NCKAP5: variants seen among roughly 807,000 people sequenced by gnomAD.
The protein encoded by NCKAP5 is NCK associated protein 5, also known as nck-associated protein 5.
In NCKAP5, 92 loss-of-function variants were observed where a neutral mutation model predicts 167.0. The observed-to-expected ratio is 0.55, with a 90% CI of 0.47 to 0.66. NCKAP5 has a LOEUF of 0.66. Ranked by LOEUF, NCKAP5 falls within the 30% of genes least tolerant of loss-of-function variation. NCKAP5 has a pLI of 0.00. For synonymous variants in NCKAP5, 891 were observed against 877.4 expected, an observed-to-expected ratio of 1.02 and a Z score of -0.27; for missense variants, 2,378 against 2,315.0, an observed-to-expected ratio of 1.03 and a Z score of -0.56.
the NCKAP5 span, among the ~76,000 whole-genome samples, chr2:133,606,147 A>T: frequency 6.6e-6 from 1 of 151,472 alleles, no homozygotes; most frequent in Non-Finnish European, 1.5e-5. Flanking sequence ...TTCAAAAAAA[A>T]TTGAAGGCAG....
chr2:133,197,294 T>C (rs1046820419), intron 5 of NCKAP5, among the ~76,000 whole-genome samples: 5 of 152,086 alleles, frequency 3.3e-5, no homozygotes, highest in African/African-American at 9.7e-5. Flanking sequence ...CCTCAGGTAG[T>C]ACACACATGG....
intron 16 of NCKAP5, among the ~76,000 whole-genome samples, chr2:132,733,335 G>A (rs191066044): frequency 6.6e-6 from 1 of 152,252 alleles, no homozygotes; most frequent in Admixed American, 6.5e-5. Flanking sequence ...GCATGGTGGG[G>A]AATGTAATAG....
intron 3 of NCKAP5, among the ~76,000 whole-genome samples, chr2:133,426,859 G>C (rs1290733886): frequency 6.6e-6 from 1 of 152,102 alleles, no homozygotes; most frequent in African/African-American, 2.4e-5. Flanking sequence ...TAAATCTCAA[G>C]CTGTTCTAAA....
chr2:133,574,274 C>T, the NCKAP5 span, among the ~76,000 whole-genome samples: 1 of 152,160 alleles, frequency 6.6e-6, no homozygotes, highest in African/African-American at 2.4e-5. Context: ...TAGCCCCTGA[C>T]CCCACCAGAT....
the NCKAP5 span, among the ~76,000 whole-genome samples, chr2:133,656,151 G>C: frequency 6.6e-6 from 1 of 152,130 alleles, no homozygotes; most frequent in East Asian, 1.9e-4. Context: ...TGCTGCTATA[G>C]ATTCTATAGT....
At chr2:133,223,795 G>C (rs1574427829) in intron 4 of NCKAP5, among the ~76,000 whole-genome samples, 1 of 152,118 alleles carries the variant, frequency 6.6e-6, no homozygotes, top group Admixed American at 6.6e-5. Flanking sequence ...GTGCAGTGAG[G>C]TCAGTCAGCA....
chr2:133,141,724 G>C (rs2083004391), intron 5 of NCKAP5, among the ~76,000 whole-genome samples: 1 of 152,146 alleles, frequency 6.6e-6, no homozygotes, highest in African/African-American at 2.4e-5. Context: ...ATTGTGGAAA[G>C]TTTCTTTAAA....
chr2:133,587,614 G>A, the NCKAP5 span, among the ~76,000 whole-genome samples: 1 of 152,206 alleles, frequency 6.6e-6, no homozygotes, highest in East Asian at 1.9e-4. Context: ...CTTCTGAAAT[G>A]TGGACAACAT....
chr2:133,616,540 T>A, the NCKAP5 span, among the ~76,000 whole-genome samples: 1 of 151,864 alleles, frequency 6.6e-6, no homozygotes, highest in African/African-American at 2.4e-5. Flanking sequence ...CCAAATAAAC[T>A]AGAAAATCTA....
At chr2:133,174,690 T>G (rs967363123) in intron 5 of NCKAP5, among the ~76,000 whole-genome samples, 5 of 144,186 alleles carry the variant, frequency 3.5e-5, no homozygotes, top group African/African-American at 1.3e-4. Flanking sequence ...AACAAAATAT[T>G]CCAAGTAACA....
intron 10 of NCKAP5, among the ~76,000 whole-genome samples, chr2:132,862,702 G>A (rs990606435): frequency 1.1e-4 from 17 of 149,358 alleles, no homozygotes; most frequent in Non-Finnish European, 1.8e-4. Flanking sequence ...AAAGATTGCC[G>A]TCAGCCGAGA....
intron 5 of NCKAP5, among the ~76,000 whole-genome samples, chr2:133,200,836 T>C (rs1315502635): frequency 6.6e-6 from 1 of 152,176 alleles, no homozygotes; most frequent in East Asian, 1.9e-4. Flanking sequence ...AAACAAATTG[T>C]AGTGTATTCA....
chr2:132,876,451 C>A (rs775425594), intron 9 of NCKAP5, among the ~76,000 whole-genome samples: 11 of 152,090 alleles, frequency 7.2e-5, no homozygotes, highest in Non-Finnish European at 1.6e-4. Context: ...ATGACACCCA[C>A]TAGCAAGGAA....
chr2:133,500,422 T>C (rs1682399865), intron 3 of NCKAP5, among the ~76,000 whole-genome samples: 1 of 152,208 alleles, frequency 6.6e-6, no homozygotes, highest in Non-Finnish European at 1.5e-5. Flanking sequence ...CACGTGTCTT[T>C]CTGCTGCAGC....
chr2:133,348,535 T>C (rs1408962734), intron 3 of NCKAP5, among the ~76,000 whole-genome samples: 4 of 152,100 alleles, frequency 2.6e-5, no homozygotes, highest in African/African-American at 9.7e-5. Context: ...ATCACCATGT[T>C]TTCACATCCC....
chr2:133,373,108 G>T (rs1384985429), intron 3 of NCKAP5, among the ~76,000 whole-genome samples: 1 of 152,156 alleles, frequency 6.6e-6, no homozygotes, highest in Non-Finnish European at 1.5e-5. Flanking sequence ...TGCCCAGGCT[G>T]GGGTGCAATG....
chr2:132,958,871 C>T (rs1036250992), intron 8 of NCKAP5, among the ~76,000 whole-genome samples: 38 of 151,936 alleles, frequency 2.5e-4, no homozygotes, highest in Non-Finnish European at 4.6e-4. Context: ...CCTCAATAAA[C>T]TTTTCTTATT....
intron 6 of NCKAP5, among the ~76,000 whole-genome samples, chr2:133,033,780 AGT>A (rs1189774043): frequency 2.6e-5 from 4 of 152,046 alleles, no homozygotes; most frequent in Non-Finnish European, 4.4e-5. Flanking sequence ...AGAAAGAACT[AGT>A]GAGCCTGAAG....
chr2:132,912,897 G>A (rs531088439), intron 8 of NCKAP5, among the ~76,000 whole-genome samples: 1 of 152,084 alleles, frequency 6.6e-6, no homozygotes, highest in South Asian at 2.1e-4. Flanking sequence ...GCTTTGAAAT[G>A]ATATAGAATT....
Sources: allele counts gnomAD v4.1 joint callset (sites outside exome capture counted in the v4.1 genomes callset), GRCh38; gene constraint gnomAD v4.1.1; transcripts MANE v1.5; gene names NCBI Gene and HGNC (gene_info 2026-07-23, HGNC 2026-07-21).